EPB41L5: variants seen among roughly 807,000 people sequenced by gnomAD.
EPB41L5 encodes the protein erythrocyte membrane protein band 4.1 like 5, also known as band 4.1-like protein 5.
EPB41L5 carries 55 observed loss-of-function variants against 106.6 expected under a neutral mutation model. The observed-to-expected ratio is 0.52, with a 90% CI of 0.42 to 0.65. The LOEUF (loss-of-function observed/expected upper bound fraction) is 0.65, where lower values mean the gene tolerates loss of function less well. Among genes scored for constraint, EPB41L5 ranks in the 30% least tolerant of loss-of-function variants. The pLI is 0.00. For missense variants in EPB41L5, 871 were observed against 882.1 expected (o/e 0.99, Z 0.16); for synonymous variants, 297 against 306.7 (o/e 0.97, Z 0.33).
At chr2:120,068,066 C>T (rs1251320008) in intron 3 of EPB41L5, among the ~76,000 whole-genome samples, 3 of 152,130 alleles carry the variant, frequency 2.0e-5, no homozygotes, top group African/African-American at 7.2e-5. Context: ...TTCTGCATTT[C>T]CAACTGAGGT....
Position 120,175,017 on chromosome 2 carries a change from G to A in EPB41L5, c.*110G>A. On this transcript the variant is annotated 3_prime_UTR_variant, in exon 25 of 25. Coordinates refer to ENST00000263713, the MANE Select transcript of EPB41L5 (RefSeq NM_020909.4). ...CCATTATTTGTAGGTAAAAAAAGCT[G>A]CACGTAGATTTGACTTCAACTCCGT... is the stretch of plus-strand genomic sequence containing the variant. 1 of 1,099,268 alleles carries A rather than the reference G, an allele frequency of 9.1e-7. No individual in the cohort carries two copies. Among genetic ancestry groups the A allele is most frequent in the Non-Finnish European group, 1.4e-6 (1 of 717,766 alleles). 68.1% of individuals were successfully genotyped at this position (1,099,268 alleles called of 1,614,324 possible).
chr2:120,130,106 A>G (rs1685628421), intron 17 of EPB41L5, among the ~76,000 whole-genome samples: 1 of 146,764 alleles, frequency 6.8e-6, no homozygotes, highest in Non-Finnish European at 1.5e-5. Context: ...AGATGGCACC[A>G]CTGTACTCCA....
chr2:120,138,215 G>C (rs1387479268), intron 18 of EPB41L5, among the ~76,000 whole-genome samples: 3 of 151,874 alleles, frequency 2.0e-5, no homozygotes, highest in African/African-American at 7.2e-5. Flanking sequence ...ACATACCTCA[G>C]CACACTAAAA....
At chr2:120,171,107 C>A (rs965167978) in intron 24 of EPB41L5, among the ~76,000 whole-genome samples, 1 of 152,178 alleles carries the variant, frequency 6.6e-6, no homozygotes, top group Non-Finnish European at 1.5e-5. Context: ...GGCATCAAAT[C>A]ATGAGGACAA....
intron 2 of EPB41L5, among the ~76,000 whole-genome samples, chr2:120,026,882 T>A (rs2105152836): frequency 6.6e-6 from 1 of 152,228 alleles, no homozygotes; most frequent in South Asian, 2.1e-4. Context: ...AACACCCAAT[T>A]TAAAAATGGG....
intron 14 of EPB41L5, 94 bp downstream of exon 14, chr2:120,093,370 C>A: frequency 9.7e-7 from 1 of 1,032,058 alleles, no homozygotes; most frequent in Non-Finnish European, 1.5e-6. Context: ...ATCAAAATGT[C>A]AAGTTGTCCG....
At chr2:120,073,468 CT>C (rs1382407622) in intron 4 of EPB41L5, among the ~76,000 whole-genome samples, 3 of 152,218 alleles carry the variant, frequency 2.0e-5, no homozygotes, top group Admixed American at 6.5e-5. Context: ...ATGGGATTGA[CT>C]TTCCCCGAAA....
chr2:120,090,677 G>A (rs191346791), intron 12 of EPB41L5, among the ~76,000 whole-genome samples, 161 bp downstream of exon 12: 358 of 152,244 alleles, frequency 2.4e-3, no homozygotes, highest in Middle Eastern at 0.01. Context: ...AAGTGGTATT[G>A]TTATTGGTTA....
At chr2:120,013,746 G>C (rs796427796) in intron 1 of EPB41L5, 8 of 152,230 alleles carry the variant, frequency 5.3e-5, no homozygotes, top group African/African-American at 1.9e-4. Context: ...CGGTTGTCGT[G>C]CTAATGATGG....
intron 2 of EPB41L5, among the ~76,000 whole-genome samples, chr2:120,028,792 T>C (rs1182328814): frequency 6.6e-6 from 1 of 152,104 alleles, no homozygotes; most frequent in Non-Finnish European, 1.5e-5. Flanking sequence ...GTTCTAACTC[T>C]GATGGGAGGG....
At chr2:120,026,681 C>T (rs1211886277) in intron 2 of EPB41L5, among the ~76,000 whole-genome samples, 14 of 152,128 alleles carry the variant, frequency 9.2e-5, no homozygotes, top group Admixed American at 8.5e-4. Context: ...GCACCACTTT[C>T]TTACATATGA....
intron 16 of EPB41L5, among the ~76,000 whole-genome samples, chr2:120,122,783 C>T (rs1008046158): frequency 4.6e-5 from 7 of 152,290 alleles, no homozygotes; most frequent in South Asian, 2.1e-4. Flanking sequence ...GCCATTTTCA[C>T]GATATTGATT....
intron 16 of EPB41L5, among the ~76,000 whole-genome samples, chr2:120,118,036 A>T (rs566388252): frequency 6.6e-6 from 1 of 152,258 alleles, no homozygotes; most frequent in African/African-American, 2.4e-5. Context: ...AAGCAGATTG[A>T]TCCGTTTTTT....
At position 120,028,416 on chromosome 2, in the gene EPB41L5, C is replaced by T. The variant is rs936782884; in HGVS notation, c.180+9152C>T. On this transcript the variant is annotated intron_variant, in intron 2 of 24. Coordinates refer to ENST00000263713, the MANE Select transcript of EPB41L5 (RefSeq NM_020909.4). ...CAGGTGTCATGGTGGACACTTGTGG[C>T]CCCAACTATTCAGAAGGCTGGAGGT... is the stretch of plus-strand genomic sequence containing the variant. 5.9e-5 allele frequency among the ~76,000 whole-genome samples: 9 copies of T among 151,994 alleles called. No individual in the cohort carries two copies. In the East Asian group the frequency reaches 1.5e-3, roughly 26 times the overall value.
intron 16 of EPB41L5, chr2:120,105,678 T>C (rs1684409785): frequency 1.0e-6 from 1 of 985,316 alleles, no homozygotes; most frequent in South Asian, 4.7e-5. Context: ...ATCTGTATCT[T>C]AAATAGCCCG....
chr2:120,164,480 A>G (rs950609672), intron 21 of EPB41L5, among the ~76,000 whole-genome samples: 66 of 152,268 alleles, frequency 4.3e-4, no homozygotes, highest in African/African-American at 1.5e-3. Flanking sequence ...TCAGAGCGCT[A>G]GGATTACAGG....
intron 19 of EPB41L5, 46 bp from the exon 20 acceptor site, chr2:120,146,179 G>C (rs1558905069): frequency 8.7e-7 from 1 of 1,150,676 alleles, no homozygotes; most frequent in Non-Finnish European, 1.3e-6. Flanking sequence ...TGTTACTTTA[G>C]TATCCTCAAT....
chr2:120,100,084 C>T (rs1006850479), intron 14 of EPB41L5, among the ~76,000 whole-genome samples, 160 bp from the exon 15 acceptor site: 1 of 152,182 alleles, frequency 6.6e-6, no homozygotes, highest in Non-Finnish European at 1.5e-5. Context: ...AGGTATCTGA[C>T]ATTCTTAGTT....
At chr2:120,063,012 G>A (rs1046382142) in intron 3 of EPB41L5, among the ~76,000 whole-genome samples, 29 of 152,102 alleles carry the variant, frequency 1.9e-4, no homozygotes, top group Non-Finnish European at 3.2e-4. Context: ...ATGTGAGTTC[G>A]ACTATATTGT....
Sources: allele counts gnomAD v4.1 joint callset (sites outside exome capture counted in the v4.1 genomes callset), GRCh38; gene constraint gnomAD v4.1.1; transcripts MANE v1.5; gene names NCBI Gene and HGNC (gene_info 2026-07-23, HGNC 2026-07-21).